The following HOMER1 variants were observed in gnomAD, a reference collection of about 807,000 sequenced individuals.
The protein encoded by HOMER1 is homer scaffold protein 1.
HOMER1 carries 3 observed loss-of-function variants against 48.9 expected under a neutral mutation model. That is an observed-to-expected ratio of 0.06 (90% CI 0.03 to 0.16). The LOEUF is 0.16. Ranked by LOEUF, HOMER1 falls within the 10% of genes least tolerant of loss-of-function variation. The pLI is 1.00. For missense variants in HOMER1, 247 were observed against 411.4 expected (o/e 0.60, Z 3.46); for synonymous variants, 134 against 146.4 (o/e 0.92, Z 0.61).
At chr5:79,458,519 C>T (rs67623814) in intron 1 of HOMER1, among the ~76,000 whole-genome samples, 27,411 of 151,752 alleles carry the variant, frequency 0.18, 2,930 homozygotes, top group East Asian at 0.37. Context: ...TCTGAGTCCA[C>T]GGCAAAATGG....
At chr5:79,411,441 C>T (rs1212681641) in intron 5 of HOMER1, among the ~76,000 whole-genome samples, 1 of 152,102 alleles carries the variant, frequency 6.6e-6, no homozygotes, top group African/African-American at 2.4e-5. Flanking sequence ...GTCAAGATGG[C>T]ACCACTGCAC....
intron 4 of HOMER1, among the ~76,000 whole-genome samples, chr5:79,441,102 G>T (rs1389955174): frequency 6.6e-6 from 1 of 152,112 alleles, no homozygotes; most frequent in Non-Finnish European, 1.5e-5. Flanking sequence ...GGAGGTTCCA[G>T]CGAGCCGAGA....
At chr5:79,436,282 T>A (rs946618004) in intron 5 of HOMER1, among the ~76,000 whole-genome samples, 4 of 152,252 alleles carry the variant, frequency 2.6e-5, no homozygotes, top group Non-Finnish European at 5.9e-5. Context: ...ATAATCTGTT[T>A]CTAATCATGA....
At position 79,378,845 on chromosome 5, in the gene HOMER1, A is replaced by G. The variant is rs115432530; in HGVS notation, c.877-2648T>C. Among the ~76,000 whole-genome samples, 1,206 of 151,834 alleles carry G rather than the reference A, an allele frequency of 7.9e-3. 19 individuals are homozygous for G. Among genetic ancestry groups the G allele is most frequent in the African/African-American group, 0.027 (1,110 of 41,404 alleles). ...GCAAAACACAAAATTCCCTCAGCTA[A>G]TAAAATTGTGTTATTCTCTCTAGAA... On this transcript the variant is annotated intron_variant, in intron 8 of 8. Coordinates refer to ENST00000334082, the MANE Select transcript of HOMER1 (RefSeq NM_004272.5).
At chr5:79,420,248 A>G (rs528449294) in intron 5 of HOMER1, among the ~76,000 whole-genome samples, 29 of 152,230 alleles carry the variant, frequency 1.9e-4, no homozygotes, top group Admixed American at 9.8e-4. Context: ...AAAGCTAAAT[A>G]GTGAACAATT....
intron 1 of HOMER1, among the ~76,000 whole-genome samples, chr5:79,477,761 T>A (rs2112336094): frequency 6.6e-6 from 1 of 152,278 alleles, no homozygotes; most frequent in African/African-American, 2.4e-5. Context: ...CACCTTTAAA[T>A]TGTAATAAAA....
At chr5:79,417,880 G>A (rs1047097516) in intron 5 of HOMER1, among the ~76,000 whole-genome samples, 2 of 152,180 alleles carry the variant, frequency 1.3e-5, no homozygotes, top group East Asian at 3.9e-4. Flanking sequence ...GAATTGAAAT[G>A]ATGCTTATTA....
At chr5:79,500,033 T>TA (rs1237881711) in intron 1 of HOMER1, among the ~76,000 whole-genome samples, 1 of 152,100 alleles carries the variant, frequency 6.6e-6, no homozygotes, top group African/African-American at 2.4e-5. Flanking sequence ...AACTGCCTGA[T>TA]ATGTGCTGCA....
intron 8 of HOMER1, among the ~76,000 whole-genome samples, chr5:79,386,893 T>G (rs1166992185): frequency 6.6e-6 from 1 of 151,920 alleles, no homozygotes; most frequent in Non-Finnish European, 1.5e-5. Flanking sequence ...TGGCACCAGA[T>G]CAGCTTAATT....
At chr5:79,509,648 A>G (rs1752880543) in intron 1 of HOMER1, among the ~76,000 whole-genome samples, 3 of 152,118 alleles carry the variant, frequency 2.0e-5, no homozygotes, top group Admixed American at 1.3e-4. Flanking sequence ...TGCAATTAAC[A>G]GTTCATGCAA....
rs1227685451 is a variant in HOMER1, at chr5:79,373,298, TTTTC to T, written c.*2707_*2710del. ...TTCAAAATAAAAACTGTATTTTTGC[TTTTC>T]TTTTTTTTTTTCAATTTTTGTTTTT... is the stretch of plus-strand genomic sequence containing the variant. On this transcript the variant is annotated 3_prime_UTR_variant, in exon 9 of 9. Transcript: ENST00000334082. The T allele has an allele frequency of 1.3e-5, 2 of 151,862 alleles. No individual in the cohort carries two copies. Among genetic ancestry groups the T allele is most frequent in the African/African-American group, 4.8e-5 (2 of 41,376 alleles). 9.4% of individuals were successfully genotyped at this position (151,862 alleles called of 1,614,324 possible). A position where few individuals can be genotyped will look rare whatever the true frequency, so the allele number is the denominator to read the frequency against.
chr5:79,440,600 T>A (rs541399254), intron 4 of HOMER1, among the ~76,000 whole-genome samples: 1 of 152,310 alleles, frequency 6.6e-6, no homozygotes, highest in East Asian at 1.9e-4. Flanking sequence ...TATAAAAATG[T>A]TTTACAACAA....
chr5:79,436,988 T>C (rs1430262834), intron 5 of HOMER1, among the ~76,000 whole-genome samples: 2 of 152,228 alleles, frequency 1.3e-5, no homozygotes, highest in Non-Finnish European at 2.9e-5. Context: ...TTCAGAACTC[T>C]GTCAAGTATC....
intron 5 of HOMER1, among the ~76,000 whole-genome samples, chr5:79,408,001 C>A (rs1291435852): frequency 1.3e-5 from 2 of 152,060 alleles, no homozygotes; most frequent in African/African-American, 4.8e-5. Context: ...ACAGTATATT[C>A]CTATAATTGT....
intron 4 of HOMER1, among the ~76,000 whole-genome samples, chr5:79,440,897 C>T (rs1318800625): frequency 6.6e-6 from 1 of 152,158 alleles, no homozygotes; most frequent in African/African-American, 2.4e-5. Flanking sequence ...GGACGTGGTG[C>T]CTCACGCCTG....
intron 1 of HOMER1, among the ~76,000 whole-genome samples, chr5:79,471,112 G>GA (rs1358609855): frequency 1.3e-5 from 2 of 152,270 alleles, no homozygotes; most frequent in East Asian, 3.9e-4. Flanking sequence ...AAGTGGGTTG[G>GA]ATGGTGAGTC....
At chr5:79,383,181 C>T (rs547843250) in intron 8 of HOMER1, among the ~76,000 whole-genome samples, 23 of 152,044 alleles carry the variant, frequency 1.5e-4, no homozygotes, top group African/African-American at 4.3e-4. Context: ...AGGATATATA[C>T]GTTCCCAACA....
rs1047266654 is a variant in HOMER1, at chr5:79,430,634, A to G, written c.527+8376T>C. ...AAGCAACCAAAATGTCTATCAACTGATGGATGGATAAATAAAACATGGTGC... is the reference window on the plus strand; with the variant it reads ...AAGCAACCAAAATGTCTATCAACTGGTGGATGGATAAATAAAACATGGTGC... On this transcript the variant is annotated intron_variant, in intron 5 of 8. Coordinates refer to ENST00000334082, the MANE Select transcript of HOMER1 (RefSeq NM_004272.5). 3.3e-5 allele frequency among the ~76,000 whole-genome samples: 5 copies of G among 152,354 alleles called. No individual in the cohort carries two copies. The East Asian group carries it at 9.6e-4, about 29-fold the overall frequency.
At chr5:79,439,659 T>C (rs1209591268) in intron 4 of HOMER1, among the ~76,000 whole-genome samples, 1 of 152,140 alleles carries the variant, frequency 6.6e-6, no homozygotes, top group African/African-American at 2.4e-5. Flanking sequence ...TTTCAATCCC[T>C]ATAGAGCTAC....
Sources: gnomAD v4.1 joint callset for allele counts (sites outside exome capture counted in the v4.1 genomes callset) on GRCh38, gnomAD v4.1.1 for gene constraint, MANE v1.5 for transcripts, NCBI Gene and HGNC (gene_info 2026-07-23, HGNC 2026-07-21) for gene names.